PI4K2A: variants seen among roughly 807,000 people sequenced by gnomAD.
PI4K2A encodes the protein phosphatidylinositol 4-kinase type 2-alpha.
Under a neutral mutation model 55.0 loss-of-function variants are expected in PI4K2A, and 20 were observed. The observed-to-expected ratio is 0.36, with a 90% CI of 0.26 to 0.53. The LOEUF (loss-of-function observed/expected upper bound fraction) is 0.53. Ranked by LOEUF, PI4K2A falls within the 20% of genes least tolerant of loss-of-function variation. The probability of loss-of-function intolerance (pLI) is 0.91; values close to 1 mark genes in which losing one functional copy is unlikely to be tolerated. For synonymous variants in PI4K2A, 235 were observed against 258.5 expected, an observed-to-expected ratio of 0.91 and a Z score of 0.87; for missense variants, 463 against 637.1, an observed-to-expected ratio of 0.73 and a Z score of 2.94.
chr10:97,648,742 C>CT (rs1261073446), intron 1 of PI4K2A, among the ~76,000 whole-genome samples: 1 of 152,174 alleles, frequency 6.6e-6, no homozygotes, highest in Non-Finnish European at 1.5e-5. Flanking sequence ...CAGTCATTCT[C>CT]TGAGTTGTGA....
chr10:97,673,247 T>C (rs943604875), intron 8 of PI4K2A, among the ~76,000 whole-genome samples: 1 of 152,166 alleles, frequency 6.6e-6, no homozygotes, highest in Non-Finnish European at 1.5e-5. Flanking sequence ...TGCCTCAGCC[T>C]CCCAAAGTGC....
chr10:97,673,761 G>A, exon 9 of PI4K2A: 1 of 1,612,150 alleles, frequency 6.2e-7, no homozygotes, highest in African/African-American at 1.3e-5. Flanking sequence ...GCAGGCAGAG[G>A]AAATATTGTC....
intron 1 of PI4K2A, among the ~76,000 whole-genome samples, chr10:97,642,230 C>T (rs1176730411): frequency 6.6e-6 from 1 of 152,040 alleles, no homozygotes; most frequent in Admixed American, 6.6e-5. Flanking sequence ...TTACTTGTAG[C>T]TCTTGGTTCG....
intron 5 of PI4K2A, among the ~76,000 whole-genome samples, chr10:97,664,423 G>GTT (rs1480297298): frequency 1.3e-5 from 2 of 152,224 alleles, no homozygotes; most frequent in African/African-American, 4.8e-5. Context: ...GCAGCCAGCT[G>GTT]TTATCTTCCG....
chr10:97,669,907 T>C (rs2041627326), intron 8 of PI4K2A, among the ~76,000 whole-genome samples: 1 of 152,122 alleles, frequency 6.6e-6, no homozygotes, highest in African/African-American at 2.4e-5. Context: ...ACATTTTCTT[T>C]TTCTTTTCTT....
chr10:97,641,449 A>C (rs147259190), intron 1 of PI4K2A, among the ~76,000 whole-genome samples: 1 of 152,122 alleles, frequency 6.6e-6, no homozygotes, highest in Non-Finnish European at 1.5e-5. Context: ...TGGTGGGGCA[A>C]TCCGCCGCTG....
At chr10:97,663,974 C>T (rs542817330) in intron 5 of PI4K2A, among the ~76,000 whole-genome samples, 6 of 152,154 alleles carry the variant, frequency 3.9e-5, no homozygotes, top group Non-Finnish European at 5.9e-5. Flanking sequence ...GGACTACAGG[C>T]GCAAAAGTTG....
At chr10:97,671,051 C>T (rs1036642945) in intron 8 of PI4K2A, among the ~76,000 whole-genome samples, 8 of 151,772 alleles carry the variant, frequency 5.3e-5, no homozygotes, top group Middle Eastern at 3.2e-3. Context: ...GCAGGAGAAT[C>T]GCTTGAACCC....
chr10:97,659,774 C>T (rs1026057639), intron 4 of PI4K2A, among the ~76,000 whole-genome samples: 1 of 151,886 alleles, frequency 6.6e-6, no homozygotes, highest in Non-Finnish European at 1.5e-5. Context: ...TGAAATTAAC[C>T]ACAATTTACT....
At chr10:97,645,211 G>A (rs1415324373) in intron 1 of PI4K2A, among the ~76,000 whole-genome samples, 1 of 152,132 alleles carries the variant, frequency 6.6e-6, no homozygotes, top group African/African-American at 2.4e-5. Flanking sequence ...AAGCCCTGAC[G>A]TAGTTCCTGG....
intron 4 of PI4K2A, among the ~76,000 whole-genome samples, 200 bp downstream of exon 4, chr10:97,657,174 C>G (rs576024513): frequency 4.6e-5 from 7 of 152,326 alleles, no homozygotes; most frequent in Admixed American, 4.6e-4. Context: ...ACACTTAACT[C>G]TTCCAAAGCA....
chr10:97,659,655 C>A (rs1156729067), intron 4 of PI4K2A, among the ~76,000 whole-genome samples: 2 of 152,012 alleles, frequency 1.3e-5, no homozygotes, highest in Non-Finnish European at 2.9e-5. Flanking sequence ...CACCTTGGCA[C>A]CCTCAAGCTA....
At position 97,656,939 on chromosome 10, in the gene PI4K2A, G is replaced by C; in HGVS notation, c.887G>C (p.Arg296Pro). ...CGGCAACTACTGCTCCAGTTTGAGCGGTTGGTGGTGCTGGATTACATCATC... is the reference window on the plus strand; with the variant it reads ...CGGCAACTACTGCTCCAGTTTGAGCCGTTGGTGGTGCTGGATTACATCATC... Residue 296 changes from arginine (R) to proline (P), a missense_variant, in exon 4 of 9, where the codon CGG becomes CCG. By Grantham distance (103) the Arg-to-Pro change is moderately radical. Coordinates refer to ENST00000370631, the Ensembl canonical transcript of PI4K2A. This position sits in a 1 kb window ranked among gnomAD's most constrained non-coding sequence, Gnocchi z 4.5. 1 of 1,614,148 alleles carries C rather than the reference G, an allele frequency of 6.2e-7. No homozygotes were observed. Among genetic ancestry groups the C allele is most frequent in the South Asian group, 1.1e-5 (1 of 91,076 alleles).
intron 4 of PI4K2A, among the ~76,000 whole-genome samples, chr10:97,657,668 C>CA (rs35230006): frequency 0.31 from 38,322 of 121,892 alleles, 5,658 homozygotes; most frequent in African/African-American, 0.45. Flanking sequence ...ACTCTGTTTC[C>CA]AAAAAAAAAA....
chr10:97,642,493 C>T (rs1249863257), intron 1 of PI4K2A, among the ~76,000 whole-genome samples: 1 of 151,560 alleles, frequency 6.6e-6, no homozygotes, highest in African/African-American at 2.4e-5. Context: ...CTCCGCCTCC[C>T]AGGTTCAAGC....
intron 1 of PI4K2A, among the ~76,000 whole-genome samples, chr10:97,641,735 C>T (rs186863051): frequency 6.6e-6 from 1 of 152,256 alleles, no homozygotes; most frequent in East Asian, 1.9e-4. Context: ...TTTCATCTGC[C>T]CTGGGTATTG....
At chr10:97,665,615 C>T (rs1473432086) in intron 6 of PI4K2A, among the ~76,000 whole-genome samples, 5 of 146,148 alleles carry the variant, frequency 3.4e-5, no homozygotes, top group African/African-American at 1.3e-4. Context: ...TTTTTTGAGA[C>T]GGAGTCTTGC....
intron 4 of PI4K2A, 36 bp from the exon 5 acceptor site, chr10:97,662,871 C>T (rs1365587819): frequency 7.0e-7 from 1 of 1,422,398 alleles, no homozygotes; most frequent in Non-Finnish European, 9.9e-7. Context: ...AAAATCATCC[C>T]CCCTTTTTCT....
intron 1 of PI4K2A, among the ~76,000 whole-genome samples, chr10:97,642,907 T>C (rs2041484802): frequency 7.3e-6 from 1 of 137,130 alleles, no homozygotes; most frequent in Non-Finnish European, 1.6e-5. Context: ...CTTCCTTCCT[T>C]CCTTCCTTCC....
Sources: gnomAD v4.1 joint callset for allele counts (sites outside exome capture counted in the v4.1 genomes callset) on GRCh38, gnomAD v4.1.1 for gene constraint, Gnocchi (gnomAD v3.1) non-coding constraint, MANE v1.5 for transcripts, NCBI Gene and HGNC (gene_info 2026-07-23, HGNC 2026-07-21) for gene names.